Variants in MGMT observed in about 807,000 individuals in gnomAD.
MGMT encodes the protein methylated-DNA--protein-cysteine methyltransferase.
Under a neutral mutation model 15.9 loss-of-function variants are expected in MGMT, and 14 were observed. That is an observed-to-expected ratio of 0.88 (90% CI 0.58 to 1.37). The LOEUF (loss-of-function observed/expected upper bound fraction) is 1.37. Among genes scored for constraint, MGMT ranks in the 40% most tolerant of loss-of-function variants. The pLI, the probability that MGMT is intolerant of heterozygous loss-of-function variation, is 0.00. For missense variants in MGMT, 282 were observed against 268.1 expected, an observed-to-expected ratio of 1.05 and a Z score of -0.36; for synonymous variants, 130 against 118.2, an observed-to-expected ratio of 1.10 and a Z score of -0.65.
chr10:129,630,638 C>T (rs909863128), intron 2 of MGMT, among the ~76,000 whole-genome samples: 1 of 152,116 alleles, frequency 6.6e-6, no homozygotes, highest in Non-Finnish European at 1.5e-5. Context: ...TGAGATGCTT[C>T]GAACTGATAG....
At chr10:129,633,717 A>G (rs992261745) in intron 2 of MGMT, among the ~76,000 whole-genome samples, 64 of 152,356 alleles carry the variant, frequency 4.2e-4, no homozygotes, top group Admixed American at 2.7e-3. Context: ...CTTTGCTTGC[A>G]TAAACATGTG....
At position 129,769,273 on chromosome 10, in the gene MGMT, TCCAAGGACAAGCTCTG is replaced by T. The variant is rs1402325835; in HGVS notation, c.*2279_*2294del. On this transcript the variant is annotated 3_prime_UTR_variant, in exon 5 of 5. Transcript: ENST00000651593. The stretch of plus-strand genomic sequence containing the variant: ...TCAAACCGGCGGGGCCGTGTACCGC[TCCAAGGACAAGCTCTG>T]CCGAGGCCGACATGAAAAGCCAGCA... The T allele has an allele frequency of 1.3e-5, 2 of 151,980 alleles. No homozygotes were observed. The highest frequency in any genetic ancestry group is 1.9e-4 in the East Asian group (1 of 5,132). 9.4% of individuals were successfully genotyped at this position (151,980 alleles called of 1,614,324 possible). A position where few individuals can be genotyped will look rare whatever the true frequency, so the allele number is the denominator to read the frequency against.
At chr10:129,526,103 A>G (rs976713567) in intron 1 of MGMT, among the ~76,000 whole-genome samples, 16 of 152,362 alleles carry the variant, frequency 1.1e-4, no homozygotes, top group African/African-American at 3.6e-4. Flanking sequence ...CCCTGGTTAC[A>G]GCGGGGACCA....
intron 3 of MGMT, among the ~76,000 whole-genome samples, chr10:129,739,070 T>A (rs1254539800): frequency 6.6e-6 from 1 of 152,168 alleles, no homozygotes. Context: ...ATTATCTCAA[T>A]AGATGCAGAA....
At chr10:129,595,543 G>C (rs778426268) in intron 2 of MGMT, among the ~76,000 whole-genome samples, 1 of 151,238 alleles carries the variant, frequency 6.6e-6, no homozygotes, top group Non-Finnish European at 1.5e-5. Context: ...GGTGGTCTTC[G>C]GGGGGGTCTG....
rs192958367 is a variant in MGMT at position 129,718,238 on chromosome 10, G to A, written c.274+10195G>A. On this transcript the variant is annotated intron_variant, in intron 3 of 4. Coordinates refer to ENST00000651593, the MANE Select transcript of MGMT (RefSeq NM_002412.5). ...GCTTCATCTGCTGAATGTGCACAGG[G>A]AGCTTTAGGCTTCGACCTGGCATGC... is the stretch of plus-strand genomic sequence containing the variant. Among the ~76,000 whole-genome samples the A allele has an allele frequency of 5.1e-3, 776 of 152,354 alleles. 3 individuals are homozygous for A. Among genetic ancestry groups the A allele is most frequent in the Non-Finnish European group, 8.5e-3 (579 of 68,032 alleles).
intron 2 of MGMT, among the ~76,000 whole-genome samples, chr10:129,548,297 A>G (rs1311107777): frequency 6.6e-6 from 1 of 152,214 alleles, no homozygotes; most frequent in Non-Finnish European, 1.5e-5. Flanking sequence ...GCCACTAAAA[A>G]TATATGCTCC....
intron 2 of MGMT, chr10:129,564,272 CTCTTCCCCCTCTCCT>C (rs1176047729): frequency 1.4e-5 from 1 of 69,948 alleles, no homozygotes; most frequent in Non-Finnish European, 3.0e-5. Flanking sequence ...CTTCCTCCTC[CTCTTCCCCCTCTCCT>C]TCCTCCCCCT....
Position 129,635,997 on chromosome 10 carries a change from A to G in MGMT, c.126-71898A>G, listed in dbSNP as rs553284603. On this transcript the variant is annotated intron_variant, in intron 2 of 4. Coordinates refer to ENST00000651593, the MANE Select transcript of MGMT (RefSeq NM_002412.5). ...GAAAATTTACATATTTTTAGTTTAA[A>G]ATATGCATGCTCTTGGCCAATATGT... 2.0e-5 allele frequency among the ~76,000 whole-genome samples: 3 copies of G among 152,380 alleles called. No homozygotes were observed. The South Asian group carries it at 6.2e-4, about 32-fold the overall frequency.
chr10:129,591,808 G>A (rs1846689807), intron 2 of MGMT, among the ~76,000 whole-genome samples: 1 of 152,174 alleles, frequency 6.6e-6, no homozygotes, highest in Admixed American at 6.5e-5. Flanking sequence ...GTAGGCACCT[G>A]TAATCTCAGC....
chr10:129,743,278 GCCA>G (rs772526236), intron 3 of MGMT, among the ~76,000 whole-genome samples: 26 of 152,196 alleles, frequency 1.7e-4, no homozygotes, highest in Non-Finnish European at 2.8e-4. Context: ...GCCGGCGAAC[GCCA>G]CCATTTTTTG....
At chr10:129,741,474 G>T (rs1045305046) in intron 3 of MGMT, among the ~76,000 whole-genome samples, 1 of 152,142 alleles carries the variant, frequency 6.6e-6, no homozygotes, top group Non-Finnish European at 1.5e-5. Context: ...TGGGAGGTTC[G>T]CCAGGACTGC....
At chr10:129,720,993 T>C (rs545929034) in intron 3 of MGMT, among the ~76,000 whole-genome samples, 2 of 152,000 alleles carry the variant, frequency 1.3e-5, no homozygotes, top group South Asian at 4.1e-4. Context: ...TGCAATCATA[T>C]GTTATCGGAT....
At chr10:129,516,716 A>G (rs984184356) in intron 1 of MGMT, among the ~76,000 whole-genome samples, 2 of 148,980 alleles carry the variant, frequency 1.3e-5, no homozygotes, top group Admixed American at 1.3e-4. Flanking sequence ...CCCCACCACC[A>G]ATAACATTTT....
At chr10:129,660,754 A>G (rs1847586773) in intron 2 of MGMT, among the ~76,000 whole-genome samples, 1 of 148,354 alleles carries the variant, frequency 6.7e-6, no homozygotes, top group Non-Finnish European at 1.5e-5. Flanking sequence ...CTTTTCACAA[A>G]GAGGAAGATC....
At chr10:129,675,968 C>T (rs185460993) in intron 2 of MGMT, among the ~76,000 whole-genome samples, 7 of 152,320 alleles carry the variant, frequency 4.6e-5, no homozygotes, top group East Asian at 1.9e-4. Context: ...TGCAAGGTCC[C>T]GGCCATGTGT....
intron 2 of MGMT, among the ~76,000 whole-genome samples, chr10:129,552,438 C>T (rs183171977): frequency 8.5e-5 from 13 of 152,360 alleles, no homozygotes; most frequent in Non-Finnish European, 1.6e-4. Flanking sequence ...TGGAAATTGC[C>T]ACAGACGTGG....
chr10:129,727,453 G>T lies in MGMT; in HGVS notation c.274+19410G>T, dbSNP rs117095570. Reference sequence around the variant, plus strand: ...ACCCCAAGTGACAACTGCTGAGCCCGACCCTTCTGAATTCAAGGCCATGAA... The same window carrying T: ...ACCCCAAGTGACAACTGCTGAGCCCTACCCTTCTGAATTCAAGGCCATGAA... On this transcript the variant is annotated intron_variant, in intron 3 of 4. Transcript: ENST00000651593. Among the ~76,000 whole-genome samples, 838 of 152,322 alleles carry T rather than the reference G, an allele frequency of 5.5e-3. 7 individuals are homozygous for T. The highest frequency in any genetic ancestry group is 0.023 in the South Asian group (113 of 4,828).
chr10:129,713,838 C>T (rs1386104595), intron 3 of MGMT, among the ~76,000 whole-genome samples: 1 of 152,192 alleles, frequency 6.6e-6, no homozygotes, highest in Admixed American at 6.5e-5. Flanking sequence ...ATGTCCTTCC[C>T]TTTCAGAGCT....
Sources: allele counts gnomAD v4.1 joint callset (sites outside exome capture counted in the v4.1 genomes callset), GRCh38; gene constraint gnomAD v4.1.1; transcripts MANE v1.5; gene names NCBI Gene and HGNC (gene_info 2026-07-23, HGNC 2026-07-21).